Variants in MIOS observed in about 807,000 individuals in gnomAD.
The protein encoded by MIOS is GATOR2 complex protein MIOS.
A neutral mutation model predicts 96.9 loss-of-function variants in MIOS; 52 were observed. The ratio of observed to expected loss-of-function variants is 0.54; its 90% confidence interval spans 0.43 to 0.68. The LOEUF (loss-of-function observed/expected upper bound fraction) is 0.68, where lower values mean the gene tolerates loss of function less well. Among genes scored for constraint, MIOS ranks in the 30% least tolerant of loss-of-function variants. The pLI is 0.00. For missense variants in MIOS, 1,005 were observed against 1,052.8 expected (o/e 0.95, Z 0.63); for synonymous variants, 397 against 359.5 (o/e 1.10, Z -1.18).
intron 5 of MIOS, among the ~76,000 whole-genome samples, chr7:7,577,003 A>G (rs993905284): frequency 1.3e-5 from 2 of 152,202 alleles, no homozygotes; most frequent in South Asian, 2.1e-4. Flanking sequence ...GTTGAAATCA[A>G]GATGCTTAGG....
In MIOS at chr7:7,597,504, ATATATATAT is replaced by A. The variant is rs1563041055; in HGVS notation, c.2401+1044_2401+1052del. On this transcript the variant is annotated intron_variant, in intron 11 of 12. Transcript: ENST00000340080. ...TATATATATATATATATATATATAT[ATATATATAT>A]ATATGAAGGCAATACGTAATGTTTT... 8.2e-5 allele frequency among the ~76,000 whole-genome samples: 6 copies of A among 72,906 alleles called. 2 individuals are homozygous for A. The highest frequency in any genetic ancestry group is 1.6e-4 in the Non-Finnish European group (6 of 37,116). 47.8% of individuals were successfully genotyped at this position (72,906 alleles called of 152,430 possible).
chr7:7,586,934 TATTAA>T (rs983835358), intron 7 of MIOS, among the ~76,000 whole-genome samples: 4 of 151,902 alleles, frequency 2.6e-5, no homozygotes, highest in African/African-American at 9.7e-5. Context: ...ATTGTTTAAA[TATTAA>T]ATTTCTGCAT....
rs1292188487 is a variant in MIOS at position 7,585,670 on chromosome 7, A to G, written c.1683A>G (p.Leu561=). Residue 561 remains leucine, a synonymous_variant, in exon 7 of 13, where the codon TTA becomes TTG. Transcript: ENST00000340080. ...DLNLNVVAMA[L]SGYTDEKNSL... ...ATCTCAATGTGGTAGCAATGGCTTT[A>G]TCGGGTTATACGGATGAGAAGAACT... The G allele has an allele frequency of 1.9e-6, 3 of 1,595,912 alleles. No individual in the cohort carries two copies. Among genetic ancestry groups the G allele is most frequent in the Admixed American group, 1.8e-5 (1 of 56,900 alleles).
chr7:7,568,663 C>T (rs1783238381), intron 3 of MIOS, among the ~76,000 whole-genome samples: 1 of 152,158 alleles, frequency 6.6e-6, no homozygotes, highest in Admixed American at 6.5e-5. Context: ...ATGAGGGGCC[C>T]TGCATTGTTA....
chr7:7,590,521 G>A (rs528727431), intron 9 of MIOS, among the ~76,000 whole-genome samples: 5 of 152,152 alleles, frequency 3.3e-5, no homozygotes, highest in African/African-American at 1.2e-4. Flanking sequence ...AATCCAGTCT[G>A]ATAATTGCTG....
intron 3 of MIOS, among the ~76,000 whole-genome samples, chr7:7,568,927 G>A (rs143754389): frequency 6.6e-5 from 10 of 152,338 alleles, no homozygotes; most frequent in Non-Finnish European, 1.0e-4. Context: ...TCTCCGTTGA[G>A]AGTCATGTAA....
At chr7:7,595,551 T>TA (rs1563038649) in intron 10 of MIOS, among the ~76,000 whole-genome samples, 1 of 152,226 alleles carries the variant, frequency 6.6e-6, no homozygotes, top group Admixed American at 6.5e-5. Context: ...AGCATTAGTT[T>TA]AAAAAATGAG....
At chr7:7,567,162 G>T (rs1192911608) in intron 1 of MIOS, 90 bp downstream of exon 1, 2 of 152,146 alleles carry the variant, frequency 1.3e-5, no homozygotes, top group African/African-American at 4.8e-5. Flanking sequence ...GAAAGGCCCG[G>T]GCGTCTCGGC....
intron 11 of MIOS, chr7:7,605,193 ATTGT>A (rs549093939): frequency 3.9e-5 from 6 of 152,128 alleles, no homozygotes; most frequent in Non-Finnish European, 8.8e-5. Context: ...TAATTAAGCA[ATTGT>A]TTAAGTTACA....
At chr7:7,601,926 A>G (rs938364763) in intron 11 of MIOS, among the ~76,000 whole-genome samples, 1 of 152,174 alleles carries the variant, frequency 6.6e-6, no homozygotes, top group African/African-American at 2.4e-5. Context: ...ACATACGAAA[A>G]TCAATAAATG....
intron 7 of MIOS, among the ~76,000 whole-genome samples, chr7:7,588,277 A>C (rs918999786): frequency 1.3e-5 from 2 of 152,176 alleles, no homozygotes; most frequent in African/African-American, 4.8e-5. Flanking sequence ...TTTAAAAGGT[A>C]AATTTTTACT....
At position 7,572,929 on chromosome 7, in the gene MIOS, A is replaced by G. The variant is rs928484127; in HGVS notation, c.454A>G (p.Thr152Ala). Residue 152 changes from threonine (T) to alanine (A), a missense_variant, in exon 4 of 13, where the codon ACT becomes GCT. Thr to Ala is a moderately conservative substitution (Grantham distance 58). Coordinates refer to ENST00000340080, the MANE Select transcript of MIOS (RefSeq NM_019005.4). This position sits in a 1 kb window ranked among gnomAD's most constrained non-coding sequence, Gnocchi z 4.8. ...AATATGGGATATCTGCAGCAAATAT[A>G]CTCCTGATATAGTTCCCATGGAAAA... ...VLIWDICSKYTPDIVPMEKVK... is the reference protein window; with the variant it reads ...VLIWDICSKYAPDIVPMEKVK... 6.2e-7 allele frequency: 1 copy of G among 1,614,104 alleles called. No homozygotes were observed. The highest frequency in any genetic ancestry group is 8.5e-7 in the Non-Finnish European group (1 of 1,179,996).
chr7:7,574,489 A>C (rs2115357518), intron 5 of MIOS, among the ~76,000 whole-genome samples: 1 of 152,284 alleles, frequency 6.6e-6, no homozygotes, highest in South Asian at 2.1e-4. Context: ...GAGGTTTTAC[A>C]CTAGACAATT....
Position 7,566,929 on chromosome 7 carries a change from GT to G in MIOS, c.-363del, listed in dbSNP as rs1401822492. ...CGCTGCGCGTCCTCCAGGCGTGGTG[GT>G]GGGGTCGTGGGTCCCAGCCCAGTGG... On this transcript the variant is annotated 5_prime_UTR_variant, in exon 1 of 13. Transcript: ENST00000340080. 2.6e-5 allele frequency: 4 copies of G among 152,172 alleles called. No individual in the cohort carries two copies. Among genetic ancestry groups the G allele is most frequent in the African/African-American group, 9.7e-5 (4 of 41,450 alleles). The allele number at this position is 152,172 out of a possible 1,614,324, so 9.4% of individuals were successfully genotyped here. A position where few individuals can be genotyped will look rare whatever the true frequency, so the allele number is the denominator to read the frequency against.
intron 11 of MIOS, among the ~76,000 whole-genome samples, chr7:7,604,070 G>C (rs533414879): frequency 6.6e-6 from 1 of 151,398 alleles, no homozygotes; most frequent in African/African-American, 2.4e-5. Context: ...GTTGTGGGGT[G>C]CGGGGAAGGG....
intron 11 of MIOS, among the ~76,000 whole-genome samples, chr7:7,603,414 C>T (rs1234899616): frequency 6.6e-6 from 1 of 152,178 alleles, no homozygotes; most frequent in Non-Finnish European, 1.5e-5. Flanking sequence ...TATGAACAGA[C>T]ACTTCTCAAA....
Position 7,573,715 on chromosome 7 carries a change from A to G in MIOS, c.1240A>G (p.Ile414Val). 4 of 1,612,150 alleles carry G rather than the reference A, an allele frequency of 2.5e-6. No homozygotes were observed. The highest frequency in any genetic ancestry group is 3.4e-6 in the Non-Finnish European group (4 of 1,178,918). The change falls in exon 4 of 13, where the codon ATT (isoleucine) becomes GTT (valine). Residue 414 changes from isoleucine to valine, a missense_variant. Physicochemically the swap from Ile to Val is conservative, Grantham distance 29 (BLOSUM62 3). Transcript: ENST00000340080. This position sits in a 1 kb window ranked among gnomAD's most constrained non-coding sequence, Gnocchi z 5.0. ...TACAGAGCAGGTGTGGAGGAACCAC[A>G]TTTTAGCTGGAAATGAAGATCCACA... ...LDTEQVWRNHILAGNEDPQLK... is the reference protein window; with the variant it reads ...LDTEQVWRNHVLAGNEDPQLK...
chr7:7,602,398 G>A (rs1784405843), intron 11 of MIOS, among the ~76,000 whole-genome samples: 1 of 152,122 alleles, frequency 6.6e-6, no homozygotes, highest in Admixed American at 6.5e-5. Context: ...AAATCAATGT[G>A]CAGAAATCAC....
intron 5 of MIOS, among the ~76,000 whole-genome samples, chr7:7,579,065 A>G (rs1783627570): frequency 6.6e-6 from 1 of 152,218 alleles, no homozygotes; most frequent in Non-Finnish European, 1.5e-5. Context: ...GCCATCAGTA[A>G]AACGTTTTCT....
Sources: allele counts gnomAD v4.1 joint callset (sites outside exome capture counted in the v4.1 genomes callset), GRCh38; gene constraint gnomAD v4.1.1; non-coding constraint Gnocchi (gnomAD v3.1); transcripts MANE v1.5; gene names NCBI Gene and HGNC (gene_info 2026-07-23, HGNC 2026-07-21).